ADAMTSL3: variants seen among roughly 807,000 people sequenced by gnomAD.
ADAMTSL3 encodes the protein ADAMTS-like protein 3.
Under a neutral mutation model 201.7 loss-of-function variants are expected in ADAMTSL3, and 128 were observed. The ratio of observed to expected loss-of-function variants is 0.63; its 90% CI spans 0.55 to 0.73. The LOEUF is 0.73. ADAMTSL3 is among the 30% of genes least tolerant of loss of function. The pLI is 0.00. For missense variants in ADAMTSL3, 1,990 were observed against 2,119.6 expected (o/e 0.94, Z 1.20); for synonymous variants, 738 against 748.4 (o/e 0.99, Z 0.23).
At chr15:83,657,172 C>T (rs1037645242) in intron 2 of ADAMTSL3, among the ~76,000 whole-genome samples, 6 of 152,192 alleles carry the variant, frequency 3.9e-5, no homozygotes, top group Non-Finnish European at 4.4e-5. Flanking sequence ...GCTTTGAGAG[C>T]TTCAGAGATT....
In ADAMTSL3 at chr15:83,913,213, G is replaced by C. The variant is rs1319641174; in HGVS notation, c.1822G>C (p.Glu608Gln). ...TQTETELPEE[E>Q]CEGPKLPTER... ...GACTGAGACTGAGCTGCCCGAGGAA[G>C]AGTGTGAAGGCCCCAAGCTGCCCAC... The change falls in exon 16 of 30, where the codon GAG becomes CAG. Residue 608 changes from glutamate to glutamine, a missense_variant. Glu to Gln is a conservative substitution (Grantham distance 29). Transcript: ENST00000286744. 6.2e-7 allele frequency: 1 copy of C among 1,614,068 alleles called. No homozygotes were observed. The highest frequency in any genetic ancestry group is 1.3e-5 in the African/African-American group (1 of 74,932).
At chr15:83,776,197 C>T (rs2141764171) in intron 4 of ADAMTSL3, among the ~76,000 whole-genome samples, 1 of 152,276 alleles carries the variant, frequency 6.6e-6, no homozygotes, top group South Asian at 2.1e-4. Flanking sequence ...AGCCCTCATC[C>T]CTTCTCCTTG....
chr15:83,960,632 G>C (rs1438070125), intron 19 of ADAMTSL3, among the ~76,000 whole-genome samples: 1 of 152,118 alleles, frequency 6.6e-6, no homozygotes, highest in African/African-American at 2.4e-5. Flanking sequence ...GAAAGAAGGA[G>C]GGGGGAGGGG....
intron 3 of ADAMTSL3, among the ~76,000 whole-genome samples, chr15:83,759,389 C>A (rs1184883564): frequency 6.6e-6 from 1 of 152,036 alleles, no homozygotes; most frequent in Non-Finnish European, 1.5e-5. Context: ...CCATGCCCAG[C>A]TAATTTTTTG....
At chr15:83,665,013 C>T (rs142482491) in intron 2 of ADAMTSL3, among the ~76,000 whole-genome samples, 107 of 152,190 alleles carry the variant, frequency 7.0e-4, no homozygotes, top group Middle Eastern at 3.4e-3. Flanking sequence ...GTGGAGGCAC[C>T]GTTGCGACAC....
chr15:83,655,938 C>A, intron 2 of ADAMTSL3, 108 bp downstream of exon 2: 2 of 1,128,438 alleles, frequency 1.8e-6, no homozygotes, highest in Non-Finnish European at 1.3e-6. Flanking sequence ...TAATCCTACA[C>A]CAGAGAACCA....
intron 1 of ADAMTSL3, 43 bp from the exon 2 acceptor site, chr15:83,655,686 G>C: frequency 6.9e-7 from 1 of 1,440,628 alleles, no homozygotes; most frequent in Non-Finnish European, 9.7e-7. Context: ...TACTGCCATG[G>C]GGGCCAGAGC....
chr15:83,657,098 A>C (rs572881841), intron 2 of ADAMTSL3, among the ~76,000 whole-genome samples: 22 of 152,340 alleles, frequency 1.4e-4, no homozygotes, highest in South Asian at 2.1e-4. Context: ...CTGGCCAGCG[A>C]GATGACTGTT....
chr15:83,673,723 G>C (rs1455292414), intron 2 of ADAMTSL3, among the ~76,000 whole-genome samples: 1 of 152,222 alleles, frequency 6.6e-6, no homozygotes, highest in African/African-American at 2.4e-5. Context: ...TGACCTCAGA[G>C]CTCTGTTTTG....
At chr15:83,691,796 G>A (rs1294782437) in intron 2 of ADAMTSL3, among the ~76,000 whole-genome samples, 1 of 152,068 alleles carries the variant, frequency 6.6e-6, no homozygotes, top group African/African-American at 2.4e-5. Flanking sequence ...TGTATTTTTA[G>A]TAGAGACGGG....
At chr15:83,905,339 A>G (rs955560761) in intron 15 of ADAMTSL3, among the ~76,000 whole-genome samples, 1 of 152,234 alleles carries the variant, frequency 6.6e-6, no homozygotes, top group African/African-American at 2.4e-5. Flanking sequence ...ACATGAACTG[A>G]GATCCTAGAG....
At position 83,982,686 on chromosome 15, in the gene ADAMTSL3, C is replaced by G; in HGVS notation, c.3058C>G (p.His1020Asp). The G allele has an allele frequency of 6.2e-7, 1 of 1,613,992 alleles. No individual in the cohort carries two copies. Among genetic ancestry groups the G allele is most frequent in the East Asian group, 2.2e-5 (1 of 44,882 alleles). The change falls in exon 21 of 30, where the codon CAC becomes GAC. Residue 1020 changes from histidine (H) to aspartate (D), a missense_variant. By Grantham distance (81) the His-to-Asp change is moderately conservative. Coordinates refer to ENST00000286744, the MANE Select transcript of ADAMTSL3 (RefSeq NM_207517.3). ...TATGAGGGAATATCCTGGGATGGAC[C>G]ACAGCGAAGCCAATAGTTTGGGAGT... The part of the protein sequence containing the change: ...EPMREYPGMD[H>D]SEANSLGVTW...
chr15:83,935,394 A>T (rs1258337909), intron 17 of ADAMTSL3, among the ~76,000 whole-genome samples: 1 of 152,138 alleles, frequency 6.6e-6, no homozygotes, highest in Non-Finnish European at 1.5e-5. Context: ...TTAAAAGAAA[A>T]AATAAGTGCC....
intron 11 of ADAMTSL3, 79 bp from the exon 12 acceptor site, chr15:83,891,250 G>A (rs941484269): frequency 1.4e-5 from 17 of 1,257,418 alleles, no homozygotes; most frequent in Non-Finnish European, 1.7e-5. Context: ...CTCTTGGGAT[G>A]TCAAATATTA....
At chr15:83,917,788 G>T (rs1300256925) in intron 16 of ADAMTSL3, among the ~76,000 whole-genome samples, 3 of 152,044 alleles carry the variant, frequency 2.0e-5, no homozygotes, top group Non-Finnish European at 4.4e-5. Context: ...AATTTGTAGA[G>T]TTGTGGTTTA....
At chr15:83,933,790 A>G (rs1596432229) in intron 17 of ADAMTSL3, among the ~76,000 whole-genome samples, 1 of 152,230 alleles carries the variant, frequency 6.6e-6, no homozygotes, top group East Asian at 1.9e-4. Context: ...CATCCCAGGC[A>G]TGGCTAAAAT....
At chr15:83,803,802 C>T (rs2063559202) in intron 4 of ADAMTSL3, among the ~76,000 whole-genome samples, 1 of 152,150 alleles carries the variant, frequency 6.6e-6, no homozygotes, top group African/African-American at 2.4e-5. Context: ...CCCAAAAATA[C>T]TGTTCCAACA....
intron 3 of ADAMTSL3, among the ~76,000 whole-genome samples, chr15:83,741,271 T>G (rs964515216): frequency 6.6e-6 from 1 of 151,468 alleles, no homozygotes; most frequent in Non-Finnish European, 1.5e-5. Flanking sequence ...TCCCACAGGG[T>G]GTTTTTTCTT....
chr15:83,993,132 G>A (rs1318792134), intron 23 of ADAMTSL3, among the ~76,000 whole-genome samples: 2 of 152,160 alleles, frequency 1.3e-5, no homozygotes, highest in African/African-American at 2.4e-5. Flanking sequence ...TTTTCTTATG[G>A]GCAGAAGCCA....
Sources: allele counts gnomAD v4.1 joint callset (sites outside exome capture counted in the v4.1 genomes callset), GRCh38; gene constraint gnomAD v4.1.1; transcripts MANE v1.5; gene names NCBI Gene and HGNC (gene_info 2026-07-23, HGNC 2026-07-21).